The following CELSR2 variants were observed in gnomAD, a reference collection of about 807,000 sequenced individuals.
CELSR2 encodes cadherin EGF LAG seven-pass G-type receptor 2.
A neutral mutation model predicts 251.6 loss-of-function variants in CELSR2; 81 were observed. The observed-to-expected ratio is 0.32, with a 90% confidence interval of 0.27 to 0.39. The LOEUF (loss-of-function observed/expected upper bound fraction) is 0.39. Among genes scored for constraint, CELSR2 ranks in the 10% least tolerant of loss-of-function variants. CELSR2 has a pLI of 1.00. For synonymous variants in CELSR2, 1,721 were observed against 1,670.5 expected (o/e 1.03, Z -0.74); for missense variants, 3,365 against 3,947.7 (o/e 0.85, Z 3.96).
At chr1:109,267,371 C>T (rs560234686) in intron 15 of CELSR2, among the ~76,000 whole-genome samples, 177 bp from the exon 16 acceptor site, 6 of 152,308 alleles carry the variant, frequency 3.9e-5, no homozygotes, top group East Asian at 1.9e-4. Context: ...ACTGATCTTG[C>T]GGAGATTTTT....
rs1484035941 is a variant in CELSR2, at chr1:109,262,668, G to A, written c.4545-138G>A. 5 of 1,420,504 alleles carry A rather than the reference G, an allele frequency of 3.5e-6. No homozygotes were observed. In the South Asian group the frequency reaches 4.1e-5, roughly 12 times the overall value. 88.0% of individuals were successfully genotyped at this position (1,420,504 alleles called of 1,614,324 possible). A position where few individuals can be genotyped will look rare whatever the true frequency, so the allele number is the denominator to read the frequency against. ...AAGAACAGTTCCAGGTAGGGGTGACGCCCTTCCTGAGCACTGCTCTGCAGG... is the reference window on the plus strand; with the variant it reads ...AAGAACAGTTCCAGGTAGGGGTGACACCCTTCCTGAGCACTGCTCTGCAGG... On this transcript the variant is annotated intron_variant, in intron 6 of 33. Transcript: ENST00000271332.
chr1:109,267,962 G>A lies in CELSR2; in HGVS notation c.6220G>A (p.Val2074Ile), dbSNP rs148769525. The A allele has an allele frequency of 1.2e-4, 186 of 1,611,622 alleles. No homozygotes were observed. Among genetic ancestry groups the A allele is most frequent in the Non-Finnish European group, 1.5e-4 (176 of 1,179,842 alleles). Residue 2074 changes from valine (V) to isoleucine (I), a missense_variant, in exon 17 of 34, where the codon GTC (valine) becomes ATC (isoleucine). By Grantham distance (29) the Val-to-Ile change is conservative. This residue lies in a region of CELSR2 where 2,093 missense variants were observed against 2,382.8 expected (regional missense o/e 0.88). Coordinates refer to ENST00000271332, the MANE Select transcript of CELSR2 (RefSeq NM_001408.3). ...QHTAGYFGSD[V>I]KVAYQLATRL... The stretch of plus-strand genomic sequence containing the variant: ...CACAGCTGGCTACTTCGGCAGCGAC[G>A]TCAAGGTGGCCTACCAGCTGGCCAC...
rs1241508547 is a variant in CELSR2, at chr1:109,268,952, G to C, written c.6575G>C (p.Gly2192Ala). The change falls in exon 19 of 34, where the codon GGG (glycine) becomes GCG (alanine). Residue 2192 changes from glycine to alanine, a missense_variant. This residue lies in a region of CELSR2 where 2,093 missense variants were observed against 2,382.8 expected (regional missense o/e 0.88). Transcript: ENST00000271332. The part of the protein sequence containing the change: ...AKLPRYEALR[G>A]EQPPDLETTV... ...CTGCCCCGCTACGAGGCCCTGCGTG[G>C]GGAGCAGCCCCCGGACCTTGAGACA... is the stretch of plus-strand genomic sequence containing the variant. 6.2e-7 allele frequency: 1 copy of C among 1,613,534 alleles called. No individual in the cohort carries two copies. The highest frequency in any genetic ancestry group is 8.5e-7 in the Non-Finnish European group (1 of 1,179,708).
Position 109,262,259 on chromosome 1 carries a change from C to A in CELSR2, c.4387-28C>A, listed in dbSNP as rs371676607. The A allele has an allele frequency of 9.9e-6, 16 of 1,610,128 alleles. No homozygotes were observed. In the South Asian group the frequency reaches 1.4e-4, roughly 14 times the overall value. ...CCTAGTGGGCTCTGTACTCAGTGTC[C>A]CCCTTCTCTGCTCTTTCCTGTCCAC... On this transcript the variant is annotated intron_variant, in intron 5 of 33. Coordinates refer to ENST00000271332, the MANE Select transcript of CELSR2 (RefSeq NM_001408.3).
intron 13 of CELSR2, 47 bp from the exon 14 acceptor site, chr1:109,265,688 T>G (rs752200869): frequency 6.3e-7 from 1 of 1,581,054 alleles, no homozygotes. Context: ...ATGAGCATCC[T>G]GGGAAGAGAG....
chr1:109,271,398 G>A lies in CELSR2; in HGVS notation c.7689G>A (p.Gln2563=), dbSNP rs1446467913. 1.2e-6 allele frequency: 2 copies of A among 1,613,794 alleles called. No homozygotes were observed. Among genetic ancestry groups the A allele is most frequent in the African/African-American group, 1.3e-5 (1 of 74,910 alleles). ...FEKKGPVSGL[Q]PSFAVLLLLS... is the part of the protein sequence containing the mutation. ...TCCCTATCCCCAGCTCGGGCCTGCA[G>A]CCCTCCTTCGCCGTCCTCCTGCTGC... is the stretch of plus-strand genomic sequence containing the variant. Residue 2563 remains glutamine (Q), a synonymous_variant, in exon 27 of 34, where the codon CAG becomes CAA. Coordinates refer to ENST00000271332, the MANE Select transcript of CELSR2 (RefSeq NM_001408.3).
Position 109,249,926 on chromosome 1 carries a change from C to A in CELSR2, c.-154C>A. ...CGTCGGAGGGTGCAGCGCGGGGTCC[C>A]GCCGAGCCATCCAGACGCAGGCCCC... On this transcript the variant is annotated 5_prime_UTR_variant, in exon 1 of 34. Coordinates refer to ENST00000271332, the MANE Select transcript of CELSR2 (RefSeq NM_001408.3). The A allele has an allele frequency of 1.6e-6, 1 of 633,708 alleles. No individual in the cohort carries two copies. The highest frequency in any genetic ancestry group is 2.1e-6 in the Non-Finnish European group (1 of 470,260). 39.3% of individuals were successfully genotyped at this position (633,708 alleles called of 1,614,324 possible). A position where few individuals can be genotyped will look rare whatever the true frequency, so the allele number is the denominator to read the frequency against.
intron 17 of CELSR2, 38 bp downstream of exon 17, chr1:109,268,098 GGGGTCATGGT>G: frequency 6.4e-7 from 1 of 1,565,172 alleles, no homozygotes; most frequent in Non-Finnish European, 8.7e-7. Context: ...TGGTTAGATA[GGGGTCATGGT>G]GAGTGAGCCT....
chr1:109,274,263 C>T lies in CELSR2; in HGVS notation c.*214C>T. The T allele has an allele frequency of 1.6e-6, 2 of 1,249,310 alleles. No homozygotes were observed. Among genetic ancestry groups the T allele is most frequent in the Non-Finnish European group, 2.1e-6 (2 of 932,198 alleles). 77.4% of individuals were successfully genotyped at this position (1,249,310 alleles called of 1,614,324 possible). Reference sequence around the variant, plus strand: ...AACTCCCCCCCCACCATTCCCCTCACTGCACTTTGGACCCCTGGGGCCAAC... The same window carrying T: ...AACTCCCCCCCCACCATTCCCCTCATTGCACTTTGGACCCCTGGGGCCAAC... On this transcript the variant is annotated 3_prime_UTR_variant, in exon 34 of 34. Coordinates refer to ENST00000271332, the MANE Select transcript of CELSR2 (RefSeq NM_001408.3).
chr1:109,265,406 G>C (rs1656158241), intron 13 of CELSR2, 95 bp downstream of exon 13: 1 of 1,356,206 alleles, frequency 7.4e-7, no homozygotes, highest in Admixed American at 2.3e-5. Flanking sequence ...GGGTCTTCCT[G>C]TAGAGCTGAG....
At chr1:109,266,467 G>A (rs1045703382) in intron 15 of CELSR2, 10 of 411,832 alleles carry the variant, frequency 2.4e-5, no homozygotes, top group African/African-American at 2.0e-4. Context: ...AGGCTGGTGT[G>A]CAGTGGCGTG....
rs755549032 is a variant in CELSR2 at position 109,251,177 on chromosome 1, G to A, written c.1098G>A (p.Thr366=). ...AAGAGGTGGAATCCTACCAGCTGAC[G>A]GTAGAGGCAAGTGACCAGGGTCGGG... ...DREEVESYQL[T]VEASDQGRDP... Residue 366 remains threonine, a synonymous_variant, in exon 1 of 34, where the codon ACG becomes ACA. Coordinates refer to ENST00000271332, the MANE Select transcript of CELSR2 (RefSeq NM_001408.3). This position sits in a 1 kb window ranked among gnomAD's most constrained non-coding sequence, Gnocchi z 4.9. The A allele has an allele frequency of 5.6e-6, 9 of 1,613,452 alleles. No individual in the cohort carries two copies. The highest frequency in any genetic ancestry group is 2.2e-5 in the South Asian group (2 of 91,094).
At chr1:109,273,737 C>T in intron 33 of CELSR2, 67 bp downstream of exon 33, 2 of 1,232,044 alleles carry the variant, frequency 1.6e-6, no homozygotes, top group Non-Finnish European at 2.2e-6. Context: ...CCCAGAGCTG[C>T]CTCCGGGCCT....
intron 33 of CELSR2, 118 bp from the exon 34 acceptor site, chr1:109,273,904 A>T (rs1570797128): frequency 3.6e-6 from 5 of 1,375,506 alleles, no homozygotes; most frequent in South Asian, 2.3e-5. Context: ...GTGCGGGAGG[A>T]TGGGGAGCTG....
In CELSR2 at chr1:109,264,392, C is replaced by T. The variant is rs370201156; in HGVS notation, c.5289+27C>T. On this transcript the variant is annotated intron_variant, in intron 10 of 33. Transcript: ENST00000271332. ...TGAGTGTCCTGCCCTGCCCTCCCAT[C>T]CCCTCCCCCACCACCTGCAGCCCCG... 21 of 941,572 alleles carry T rather than the reference C, an allele frequency of 2.2e-5. No homozygotes were observed. In the African/African-American group the frequency reaches 3.4e-4, roughly 15 times the overall value. The allele number at this position is 941,572 out of a possible 1,614,324, so 58.3% of individuals were successfully genotyped here. A position where few individuals can be genotyped will look rare whatever the true frequency, so the allele number is the denominator to read the frequency against.
In CELSR2 at chr1:109,253,133, C is replaced by A; in HGVS notation, c.3054C>A (p.Asp1018Glu). Residue 1018 changes from aspartate (D) to glutamate (E), a missense_variant, in exon 1 of 34, where the codon GAC becomes GAA. Asp to Glu is a conservative substitution (Grantham distance 45). Coordinates refer to ENST00000271332, the MANE Select transcript of CELSR2 (RefSeq NM_001408.3). ...TVHVRLLDRN[D>E]NPPVLGNFEI... ...ACGTCCGCCTCCTTGACCGCAATGACAACCCACCAGTGCTGGGCAACTTTG... is the reference window on the plus strand; with the variant it reads ...ACGTCCGCCTCCTTGACCGCAATGAAAACCCACCAGTGCTGGGCAACTTTG... The A allele has an allele frequency of 3.7e-6, 6 of 1,613,862 alleles. No individual in the cohort carries two copies. The highest frequency in any genetic ancestry group is 4.2e-6 in the Non-Finnish European group (5 of 1,180,050).
rs1656495070 is a variant in CELSR2 at position 109,275,196 on chromosome 1, T to C, written c.*1147T>C. 6.6e-6 allele frequency: 1 copy of C among 152,288 alleles called. No homozygotes were observed. The highest frequency in any genetic ancestry group is 1.5e-5 in the Non-Finnish European group (1 of 68,062). 9.4% of individuals were successfully genotyped at this position (152,288 alleles called of 1,614,324 possible). ...TGTGAAGAGAGAGTTAATATATTTG[T>C]TTTATTTATTTGCTTTTTGTGTTGG... On this transcript the variant is annotated 3_prime_UTR_variant, in exon 34 of 34. Transcript: ENST00000271332.
chr1:109,273,870 C>T (rs1371744818), intron 33 of CELSR2, 152 bp from the exon 34 acceptor site: 13 of 1,183,170 alleles, frequency 1.1e-5, no homozygotes, highest in African/African-American at 7.5e-5. Flanking sequence ...AGGCTCTACG[C>T]GGCGCAGCCC....
intron 8 of CELSR2, 22 bp downstream of exon 8, chr1:109,263,289 G>A (rs1475252973): frequency 6.4e-7 from 1 of 1,559,820 alleles, no homozygotes; most frequent in Admixed American, 1.8e-5. Flanking sequence ...GGCTGTTAGA[G>A]GCCACAGCCT....
Sources: allele counts gnomAD v4.1 joint callset (sites outside exome capture counted in the v4.1 genomes callset), GRCh38; gene constraint gnomAD v4.1.1; regional missense constraint gnomAD v4.1.1; non-coding constraint Gnocchi (gnomAD v3.1); transcripts MANE v1.5; gene names NCBI Gene and HGNC (gene_info 2026-07-23, HGNC 2026-07-21).